SLC4A4: variants seen among roughly 807,000 people sequenced by gnomAD.
SLC4A4 encodes the protein electrogenic sodium bicarbonate cotransporter 1.
In SLC4A4, 27 loss-of-function variants were observed where a neutral mutation model predicts 111.5. The ratio of observed to expected loss-of-function variants is 0.24; its 90% confidence interval spans 0.18 to 0.33. The LOEUF is 0.33. SLC4A4 is among the 10% of genes least tolerant of loss of function. The pLI, the probability that SLC4A4 is intolerant of heterozygous loss-of-function variation, is 1.00. For synonymous variants in SLC4A4, 443 were observed against 463.4 expected, an observed-to-expected ratio of 0.96 and a Z score of 0.57; for missense variants, 909 against 1,315.5, an observed-to-expected ratio of 0.69 and a Z score of 4.78.
At chr4:71,153,849 C>T (rs564692961) in intron 2 of SLC4A4, among the ~76,000 whole-genome samples, 14 of 152,290 alleles carry the variant, frequency 9.2e-5, no homozygotes, top group East Asian at 1.9e-4. Flanking sequence ...CTCTACTCCA[C>T]GCCCTTGTTC....
At chr4:71,423,976 C>A (rs1056290428) in intron 7 of SLC4A4, among the ~76,000 whole-genome samples, 48 of 151,974 alleles carry the variant, frequency 3.2e-4, no homozygotes, top group Non-Finnish European at 5.9e-4. Context: ...GCAACAAAAG[C>A]CAAAATTGAC....
intron 14 of SLC4A4, among the ~76,000 whole-genome samples, chr4:71,474,425 G>T (rs146136968): frequency 1.6e-4 from 25 of 151,958 alleles, no homozygotes; most frequent in African/African-American, 5.8e-4. Context: ...GAATGCTTAT[G>T]AATTTAAAAA....
At chr4:71,315,514 A>T (rs1487802886) in intron 3 of SLC4A4, among the ~76,000 whole-genome samples, 3 of 152,124 alleles carry the variant, frequency 2.0e-5, no homozygotes, top group Admixed American at 6.6e-5. Context: ...ACAGGCACTG[A>T]TGTGGACCTT....
chr4:71,087,835 A>T (rs1742234412), intron 1 of SLC4A4, among the ~76,000 whole-genome samples: 1 of 151,932 alleles, frequency 6.6e-6, no homozygotes, highest in African/African-American at 2.4e-5. Flanking sequence ...CTATGTGGTC[A>T]GTTTTGGAAT....
rs569585204 is a variant in SLC4A4 at position 71,562,941 on chromosome 4, T to C, written c.3100-852T>C. Among the ~76,000 whole-genome samples, 8 of 151,922 alleles carry C rather than the reference T, an allele frequency of 5.3e-5. No homozygotes were observed. The East Asian group carries it at 1.6e-3, about 30-fold the overall frequency. On this transcript the variant is annotated intron_variant, in intron 23 of 25. Coordinates refer to ENST00000264485, the MANE Select transcript of SLC4A4 (RefSeq NM_001098484.3). ...ATTAACATTAATTCTCATTTTATTT[T>C]CAACTAAAAACCATCTTTTTGGTAC...
intron 3 of SLC4A4, chr4:71,300,275 C>T (rs1182455169): frequency 3.3e-5 from 7 of 210,722 alleles, no homozygotes; most frequent in Admixed American, 1.8e-4. Context: ...TGCCATAGCA[C>T]GGGCACACGG....
chr4:71,232,584 A>G (rs1420948589), intron 1 of SLC4A4, among the ~76,000 whole-genome samples: 1 of 150,954 alleles, frequency 6.6e-6, no homozygotes, highest in East Asian at 2.1e-4. Flanking sequence ...GCTAATTTGG[A>G]AAAAAAAATT....
chr4:71,159,179 C>T (rs1191984560), intron 2 of SLC4A4, among the ~76,000 whole-genome samples: 1 of 152,154 alleles, frequency 6.6e-6, no homozygotes. Flanking sequence ...CACTCTTCTG[C>T]AACTTACTGA....
chr4:71,301,281 C>A (rs1239948333), intron 3 of SLC4A4: 2 of 249,756 alleles, frequency 8.0e-6, no homozygotes, highest in Non-Finnish European at 1.6e-5. Context: ...AGCCACCTCC[C>A]AGTAGGGAGG....
intron 1 of SLC4A4, among the ~76,000 whole-genome samples, chr4:71,082,338 C>A (rs1300855231): frequency 1.1e-5 from 1 of 92,564 alleles, no homozygotes; most frequent in Non-Finnish European, 2.5e-5. Flanking sequence ...AAATAACTGT[C>A]CCCCCCACCA....
chr4:71,506,905 A>G (rs932744583), intron 16 of SLC4A4, among the ~76,000 whole-genome samples: 1 of 152,198 alleles, frequency 6.6e-6, no homozygotes, highest in African/African-American at 2.4e-5. Context: ...TCTCAGTGGA[A>G]ATCCTATGAG....
At chr4:71,255,069 G>T in intron 2 of SLC4A4, 151 bp from the exon 3 acceptor site, 1 of 794,192 alleles carries the variant, frequency 1.3e-6, no homozygotes, top group Non-Finnish European at 2.2e-6. Flanking sequence ...ATTGAAAATT[G>T]GGAGGAAATT....
At chr4:71,226,862 A>AT in intron 1 of SLC4A4, among the ~76,000 whole-genome samples, 1 of 152,148 alleles carries the variant, frequency 6.6e-6, no homozygotes, top group Middle Eastern at 3.4e-3. Flanking sequence ...TGATTAATTG[A>AT]TTCATTCATA....
At chr4:71,158,585 C>T (rs528859961) in intron 2 of SLC4A4, among the ~76,000 whole-genome samples, 39 of 152,290 alleles carry the variant, frequency 2.6e-4, no homozygotes, top group African/African-American at 9.1e-4. Flanking sequence ...TTTGAAACAT[C>T]AAATTCCCAA....
intron 15 of SLC4A4, among the ~76,000 whole-genome samples, chr4:71,488,353 A>C (rs1170190885): frequency 6.6e-6 from 1 of 151,552 alleles, no homozygotes; most frequent in Non-Finnish European, 1.5e-5. Flanking sequence ...AAACTCCAGC[A>C]ATTGATATGT....
chr4:71,533,415 A>G (rs1279528004), intron 17 of SLC4A4, among the ~76,000 whole-genome samples: 3 of 152,164 alleles, frequency 2.0e-5, no homozygotes, highest in African/African-American at 7.2e-5. Flanking sequence ...TCAGAAGAGA[A>G]GTGAGACTTT....
chr4:71,421,422 A>G (rs1248733879), intron 7 of SLC4A4, among the ~76,000 whole-genome samples: 1 of 152,216 alleles, frequency 6.6e-6, no homozygotes, highest in East Asian at 1.9e-4. Flanking sequence ...CATTAGACAG[A>G]TCATCGAGAC....
At chr4:71,077,969 G>C (rs1741889942) in intron 1 of SLC4A4, among the ~76,000 whole-genome samples, 1 of 152,076 alleles carries the variant, frequency 6.6e-6, no homozygotes, top group Non-Finnish European at 1.5e-5. Flanking sequence ...ATTTAATCAA[G>C]TGTGAGTCTC....
At chr4:71,265,740 C>T (rs1352522004) in intron 3 of SLC4A4, among the ~76,000 whole-genome samples, 4 of 152,112 alleles carry the variant, frequency 2.6e-5, no homozygotes, top group African/African-American at 4.8e-5. Flanking sequence ...GATTCTCTAA[C>T]GATTTTCCCT....
Sources: gnomAD v4.1 joint callset for allele counts (sites outside exome capture counted in the v4.1 genomes callset) on GRCh38, gnomAD v4.1.1 for gene constraint, MANE v1.5 for transcripts, NCBI Gene and HGNC (gene_info 2026-07-23, HGNC 2026-07-21) for gene names.